The following KCTD10 variants were observed in gnomAD, a reference collection of about 807,000 sequenced individuals.
KCTD10 encodes BTB/POZ domain-containing adapter for CUL3-mediated RhoA degradation protein 3.
A neutral mutation model predicts 34.6 loss-of-function variants in KCTD10; 13 were observed. The ratio of observed to expected loss-of-function variants is 0.38; its 90% confidence interval spans 0.24 to 0.60. KCTD10 has a LOEUF of 0.60. Ranked by LOEUF, KCTD10 falls within the 20% of genes least tolerant of loss-of-function variation. KCTD10 has a pLI of 0.66. For missense variants in KCTD10, 256 were observed against 420.3 expected (o/e 0.61, Z 3.42); for synonymous variants, 156 against 168.8 (o/e 0.92, Z 0.59).
Position 109,460,503 on chromosome 12 carries a change from C to T in KCTD10, c.387+133G>A. The T allele has an allele frequency of 7.0e-6, 7 of 995,964 alleles. No individual in the cohort carries two copies. The highest frequency in any genetic ancestry group is 1.0e-5 in the Non-Finnish European group (7 of 678,560). 61.7% of individuals were successfully genotyped at this position (995,964 alleles called of 1,614,324 possible). Reference sequence around the variant, plus strand: ...CACTCCAACCGAAGGAATCGGGCTCCAGGGCAAACTCATTAACTCTCACAA... The same window carrying T: ...CACTCCAACCGAAGGAATCGGGCTCTAGGGCAAACTCATTAACTCTCACAA... On this transcript the variant is annotated intron_variant, in intron 3 of 6. Coordinates refer to ENST00000228495, the MANE Select transcript of KCTD10 (RefSeq NM_031954.5). The surrounding 1 kb of genome is among the most constrained non-coding windows in gnomAD (Gnocchi z 4.5).
Position 109,460,811 on chromosome 12 carries a change from G to A in KCTD10, c.218-6C>T, listed in dbSNP as rs760120966. ...GCGGTCAATGAGGATCCAGCCTGCA[G>A]AGGGAGGAGGCAGGGGCTGGTTACA... is the stretch of plus-strand genomic sequence containing the variant. On this transcript the variant is annotated splice_polypyrimidine_tract_variant and splice_region_variant and intron_variant, in intron 2 of 6. Coordinates refer to ENST00000228495, the MANE Select transcript of KCTD10 (RefSeq NM_031954.5). The surrounding 1 kb of genome is among the most constrained non-coding windows in gnomAD (Gnocchi z 4.5). The A allele has an allele frequency of 6.8e-6, 11 of 1,613,608 alleles. No individual in the cohort carries two copies. Among genetic ancestry groups the A allele is most frequent in the Non-Finnish European group, 8.5e-6 (10 of 1,179,646 alleles).
Position 109,451,426 on chromosome 12 carries a change from C to A in KCTD10, c.*169G>T, listed in dbSNP as rs1592831991. On this transcript the variant is annotated 3_prime_UTR_variant, in exon 7 of 7. Transcript: ENST00000228495. The surrounding 1 kb of genome is among the most constrained non-coding windows in gnomAD (Gnocchi z 5.0). The stretch of plus-strand genomic sequence containing the variant: ...CAGGGGTCATACGCCTGGGTCAAGA[C>A]AATCAATTTGCCTTGTCAAGCAATA... 1.6e-6 allele frequency: 1 copy of A among 637,054 alleles called. No homozygotes were observed. The highest frequency in any genetic ancestry group is 2.6e-6 in the Non-Finnish European group (1 of 377,994). 39.5% of individuals were successfully genotyped at this position (637,054 alleles called of 1,614,324 possible).
chr12:109,458,628 AG>A (rs1355896476), intron 3 of KCTD10: 1 of 154,024 alleles, frequency 6.5e-6, no homozygotes, highest in Non-Finnish European at 1.4e-5. Flanking sequence ...GGCAGAAGAA[AG>A]GGCCATCTTC....
chr12:109,459,835 G>A (rs2135654262), intron 3 of KCTD10, among the ~76,000 whole-genome samples: 1 of 152,374 alleles, frequency 6.6e-6, no homozygotes, highest in South Asian at 2.1e-4. Context: ...CAAGGGTGAA[G>A]GAGAGTAGGA....
intron 1 of KCTD10, chr12:109,470,835 G>A (rs7139106): frequency 0.17 from 27,896 of 165,242 alleles, 2,348 homozygotes; most frequent in African/African-American, 0.18. Flanking sequence ...ACCAATGAGA[G>A]GTTTAGCCTC....
intron 2 of KCTD10, among the ~76,000 whole-genome samples, chr12:109,468,313 A>G (rs17180860): frequency 0.068 from 10,268 of 152,116 alleles, 371 homozygotes; most frequent in South Asian, 0.11. Flanking sequence ...AGGATCAGAG[A>G]ATTAACTGTG....
At chr12:109,477,300 TGAGA>T (rs748649242), upstream of KCTD10, 4 of 1,613,332 alleles carry the variant, frequency 2.5e-6, no homozygotes, top group Non-Finnish European at 3.4e-6. Flanking sequence ...AAACCCGGAC[TGAGA>T]GAGGCAGGAA....
rs191291072 is a variant in KCTD10, at chr12:109,473,334, G to A, written c.4-3606C>T. Among the ~76,000 whole-genome samples, 376 of 152,270 alleles carry A rather than the reference G, an allele frequency of 2.5e-3. 3 individuals are homozygous for A. The highest frequency in any genetic ancestry group is 8.6e-3 in the African/African-American group (359 of 41,546). On this transcript the variant is annotated intron_variant, in intron 1 of 6. Transcript: ENST00000228495. ...GGTTTGGAGTTAGACCTGTGCATAA[G>A]GCCCCAGCCCTACCACTTAGTAGCT... is the stretch of plus-strand genomic sequence containing the variant.
chr12:109,474,008 T>C (rs890647859), intron 1 of KCTD10, among the ~76,000 whole-genome samples: 3 of 152,020 alleles, frequency 2.0e-5, no homozygotes, highest in Non-Finnish European at 4.4e-5. Context: ...CTCAAACTCC[T>C]GACCTCAGGT....
chr12:109,453,865 C>T (rs1369221374), intron 6 of KCTD10, among the ~76,000 whole-genome samples: 1 of 152,204 alleles, frequency 6.6e-6, no homozygotes, highest in African/African-American at 2.4e-5. Flanking sequence ...AAACTGCATA[C>T]GCAGACTGAA....
rs896544493 is a variant in KCTD10 at position 109,449,310 on chromosome 12, CAA to C, written c.*2283_*2284del. On this transcript the variant is annotated 3_prime_UTR_variant, in exon 7 of 7. Coordinates refer to ENST00000228495, the MANE Select transcript of KCTD10 (RefSeq NM_031954.5). Reference sequence around the variant, plus strand: ...TAAACCTGTTCATATTCCAGAGAGACAAAGACTCAAAACTACAAGTGCAAAGT... The same window carrying C: ...TAAACCTGTTCATATTCCAGAGAGACAGACTCAAAACTACAAGTGCAAAGT... The C allele has an allele frequency of 3.3e-5, 5 of 152,298 alleles. No homozygotes were observed. Among genetic ancestry groups the C allele is most frequent in the African/African-American group, 9.6e-5 (4 of 41,550 alleles). 9.4% of individuals were successfully genotyped at this position (152,298 alleles called of 1,614,324 possible). A position where few individuals can be genotyped will look rare whatever the true frequency, so the allele number is the denominator to read the frequency against.
Position 109,469,672 on chromosome 12 carries a change from G to A in KCTD10, c.60C>T (p.Arg20=), listed in dbSNP as rs1328628184. Residue 20 remains arginine, a synonymous_variant, in exon 2 of 7, where the codon CGC becomes CGT. Coordinates refer to ENST00000228495, the MANE Select transcript of KCTD10 (RefSeq NM_031954.5). The part of the protein sequence containing the change: ...VSSAVPAAAT[R]TTSFKGTSPS... ...GGCTCGTGCCCTTGAAGGAAGTGGT[G>A]CGGGTAGCAGCCGCTGGCACCGCTG... is the stretch of plus-strand genomic sequence containing the variant. The A allele has an allele frequency of 3.7e-6, 6 of 1,614,110 alleles. No individual in the cohort carries two copies. The highest frequency in any genetic ancestry group is 1.7e-5 in the Admixed American group (1 of 60,010).
rs12427319 is a variant in KCTD10 at position 109,451,027 on chromosome 12, G to A, written c.*568C>T. The A allele has an allele frequency of 1.3e-5, 2 of 152,700 alleles. No individual in the cohort carries two copies. The highest frequency in any genetic ancestry group is 4.8e-5 in the African/African-American group (2 of 41,464). The allele number at this position is 152,700 out of a possible 1,614,324, so 9.5% of individuals were successfully genotyped here. On this transcript the variant is annotated 3_prime_UTR_variant, in exon 7 of 7. Coordinates refer to ENST00000228495, the MANE Select transcript of KCTD10 (RefSeq NM_031954.5). The surrounding 1 kb of genome is among the most constrained non-coding windows in gnomAD (Gnocchi z 5.0). ...AAGCTGCAATTATCAACAAGCTCTA[G>A]GCCCAAAGCCACATGGCAGAAAGCA...
At chr12:109,456,632 G>A (rs1873032135) in intron 5 of KCTD10, 2 of 407,792 alleles carry the variant, frequency 4.9e-6, no homozygotes, top group South Asian at 4.3e-5. Context: ...ACCAGGTGGA[G>A]GAGAGCACCT....
intron 2 of KCTD10, among the ~76,000 whole-genome samples, chr12:109,462,181 C>G (rs1314836946): frequency 2.6e-5 from 4 of 152,246 alleles, no homozygotes; most frequent in Admixed American, 2.6e-4. Flanking sequence ...AGTGCCCTCT[C>G]ATGGTTTTAG....
chr12:109,476,908 A>G (rs1874357543), intron 1 of KCTD10, among the ~76,000 whole-genome samples: 1 of 151,932 alleles, frequency 6.6e-6, no homozygotes. Context: ...TTTTCAATTG[A>G]TATCTCTTTG....
intron 1 of KCTD10, chr12:109,470,687 T>C: frequency 1.3e-6 from 1 of 747,090 alleles, no homozygotes; most frequent in African/African-American, 1.9e-5. Context: ...AAGGCCACTC[T>C]GTGCCCTTGC....
chr12:109,469,840 A>G, intron 1 of KCTD10, 112 bp from the exon 2 acceptor site: 2 of 1,480,800 alleles, frequency 1.4e-6, no homozygotes, highest in Non-Finnish European at 1.8e-6. Flanking sequence ...CATACACAGC[A>G]TTTAAAAGTT....
intron 6 of KCTD10, among the ~76,000 whole-genome samples, 180 bp downstream of exon 6, chr12:109,455,938 A>G (rs1872993951): frequency 1.3e-5 from 2 of 152,220 alleles, no homozygotes; most frequent in South Asian, 4.1e-4. Context: ...GGAATGCCAG[A>G]TGAACCCTAC....
Sources: allele counts gnomAD v4.1 joint callset (sites outside exome capture counted in the v4.1 genomes callset), GRCh38; gene constraint gnomAD v4.1.1; non-coding constraint Gnocchi (gnomAD v3.1); transcripts MANE v1.5; gene names NCBI Gene and HGNC (gene_info 2026-07-23, HGNC 2026-07-21).